The following CACNA2D1 variants were observed in gnomAD, a reference collection of about 807,000 sequenced individuals.
The protein encoded by CACNA2D1 is calcium voltage-gated channel auxiliary subunit alpha2delta 1.
CACNA2D1 carries 53 observed loss-of-function variants against 171.5 expected under a neutral mutation model. That is an observed-to-expected ratio of 0.31 (90% CI 0.25 to 0.39). The LOEUF is 0.39. CACNA2D1 is among the 10% of genes least tolerant of loss of function. The probability of loss-of-function intolerance (pLI) is 1.00; values close to 1 mark genes in which losing one functional copy is unlikely to be tolerated. For missense variants in CACNA2D1, 903 were observed against 1,299.8 expected (o/e 0.69, Z 4.69); for synonymous variants, 442 against 443.1 (o/e 1.00, Z 0.03).
At chr7:82,262,069 C>T (rs893815859) in intron 3 of CACNA2D1, among the ~76,000 whole-genome samples, 3 of 152,172 alleles carry the variant, frequency 2.0e-5, no homozygotes, top group Non-Finnish European at 4.4e-5. Flanking sequence ...TGGTGGCTCA[C>T]GCCTGTAATC....
intron 1 of CACNA2D1, among the ~76,000 whole-genome samples, chr7:82,434,649 T>C (rs1829969871): frequency 6.6e-6 from 1 of 152,148 alleles, no homozygotes; most frequent in Admixed American, 6.5e-5. Context: ...CCTGTGTTAG[T>C]TTGCTAAGGA....
At chr7:82,277,754 T>A (rs1809544814) in intron 3 of CACNA2D1, among the ~76,000 whole-genome samples, 1 of 149,376 alleles carries the variant, frequency 6.7e-6, no homozygotes, top group South Asian at 2.1e-4. Flanking sequence ...ACTTTTATTT[T>A]TTTTTTTTTG....
At chr7:82,398,463 T>G (rs900174440) in intron 1 of CACNA2D1, among the ~76,000 whole-genome samples, 1 of 152,156 alleles carries the variant, frequency 6.6e-6, no homozygotes, top group Non-Finnish European at 1.5e-5. Flanking sequence ...CACTAACATA[T>G]CCACAGAATT....
At chr7:82,381,078 C>T (rs1199469443) in intron 1 of CACNA2D1, among the ~76,000 whole-genome samples, 1 of 151,800 alleles carries the variant, frequency 6.6e-6, no homozygotes, top group African/African-American at 2.4e-5. Flanking sequence ...TCTGGGAGGC[C>T]GAGGTGGGCG....
At chr7:82,008,990 G>C (rs1252466003) in intron 15 of CACNA2D1, among the ~76,000 whole-genome samples, 1 of 152,106 alleles carries the variant, frequency 6.6e-6, no homozygotes, top group African/African-American at 2.4e-5. Flanking sequence ...CATGATGATT[G>C]ATATGGTTTG....
intron 3 of CACNA2D1, among the ~76,000 whole-genome samples, chr7:82,315,676 A>AGCAT (rs1328314011): frequency 1.3e-5 from 2 of 152,178 alleles, no homozygotes; most frequent in Admixed American, 1.3e-4. Flanking sequence ...AACCTGCTAC[A>AGCAT]TGCAAATTAA....
chr7:82,370,377 G>C (rs1474692621), intron 1 of CACNA2D1, among the ~76,000 whole-genome samples: 1 of 151,988 alleles, frequency 6.6e-6, no homozygotes, highest in Non-Finnish European at 1.5e-5. Flanking sequence ...AAGTGGAGCA[G>C]TATACAGAGA....
chr7:82,428,631 T>G (rs1447572895), intron 1 of CACNA2D1, among the ~76,000 whole-genome samples: 1 of 152,108 alleles, frequency 6.6e-6, no homozygotes, highest in Non-Finnish European at 1.5e-5. Context: ...GAACTAACAC[T>G]TTTCACCCTT....
At chr7:82,213,736 C>T (rs1252244240) in intron 3 of CACNA2D1, among the ~76,000 whole-genome samples, 1 of 152,128 alleles carries the variant, frequency 6.6e-6, no homozygotes, top group Non-Finnish European at 1.5e-5. Context: ...ACCTGGCTGA[C>T]TTGTCACGCT....
At chr7:82,223,105 C>A (rs1801972527) in intron 3 of CACNA2D1, among the ~76,000 whole-genome samples, 1 of 152,068 alleles carries the variant, frequency 6.6e-6, no homozygotes, top group East Asian at 1.9e-4. Context: ...AGGGTTTCAA[C>A]ATGTTGGCCA....
chr7:81,962,543 GT>G lies in CACNA2D1; in HGVS notation c.2781-49del, dbSNP rs1794266775. On this transcript the variant is annotated intron_variant, in intron 34 of 38. Transcript: ENST00000356860. ...AAATAAACATCTAGGGAAAAAATGTGTTTTTACATGTACCCATACACATAAA... is the reference window on the plus strand; with the variant it reads ...AAATAAACATCTAGGGAAAAAATGTGTTTTACATGTACCCATACACATAAA... The G allele has an allele frequency of 3.5e-6, 4 of 1,141,872 alleles. No homozygotes were observed. The East Asian group carries it at 1.0e-4, about 29-fold the overall frequency. The allele number at this position is 1,141,872 out of a possible 1,614,324, so 70.7% of individuals were successfully genotyped here.
chr7:82,391,783 T>C lies in CACNA2D1; in HGVS notation c.96-42134A>G, dbSNP rs138578963. Among the ~76,000 whole-genome samples the C allele has an allele frequency of 1.1e-4, 17 of 152,322 alleles. No homozygotes were observed. In the East Asian group the frequency reaches 2.9e-3, roughly 26 times the overall value. On this transcript the variant is annotated intron_variant, in intron 1 of 38. Transcript: ENST00000356860. ...AAAAGTCAATTAGCAAGGAAGCTAA[T>C]GCAAAATTAGTAGCAAGAATGCAAA... is the stretch of plus-strand genomic sequence containing the variant.
chr7:82,036,296 A>G (rs563421002), intron 11 of CACNA2D1, among the ~76,000 whole-genome samples: 13 of 152,166 alleles, frequency 8.5e-5, no homozygotes, highest in Non-Finnish European at 1.5e-4. Context: ...GCCCCTAAAC[A>G]CTTCCTTAAC....
rs567947579 is a variant in CACNA2D1, at chr7:82,252,901, C to A, written c.294+82234G>T. Among the ~76,000 whole-genome samples the A allele has an allele frequency of 8.4e-4, 127 of 150,634 alleles. 1 individual carries two copies. The South Asian group carries it at 0.016, about 19-fold the overall frequency. ...TGAGAATTCGTCAGAAAAAAAAAAACAAACACTTAACCCAGACACAAATTG... is the reference window on the plus strand; with the variant it reads ...TGAGAATTCGTCAGAAAAAAAAAAAAAAACACTTAACCCAGACACAAATTG... On this transcript the variant is annotated intron_variant, in intron 3 of 38. Coordinates refer to ENST00000356860, the MANE Select transcript of CACNA2D1 (RefSeq NM_000722.4).
At chr7:82,339,214 G>A (rs1818332148) in intron 2 of CACNA2D1, among the ~76,000 whole-genome samples, 2 of 152,192 alleles carry the variant, frequency 1.3e-5, no homozygotes, top group Admixed American at 6.5e-5. Flanking sequence ...ACCTTCAAGT[G>A]ATGAGATTAA....
intron 3 of CACNA2D1, among the ~76,000 whole-genome samples, chr7:82,262,253 C>T (rs1359821310): frequency 2.0e-5 from 3 of 152,180 alleles, no homozygotes; most frequent in Non-Finnish European, 4.4e-5. Context: ...ATGGCGTGAA[C>T]CCAGGACGTG....
intron 4 of CACNA2D1, among the ~76,000 whole-genome samples, chr7:82,166,950 G>C (rs1446952423): frequency 6.6e-6 from 1 of 151,956 alleles, no homozygotes; most frequent in African/African-American, 2.4e-5. Flanking sequence ...TTGTTCATGA[G>C]ATTTCTCTAC....
chr7:82,310,286 A>G (rs1814268923), intron 3 of CACNA2D1, among the ~76,000 whole-genome samples: 1 of 151,898 alleles, frequency 6.6e-6, no homozygotes, highest in African/African-American at 2.4e-5. Flanking sequence ...GTACAAGAAA[A>G]GCAGATATAT....
intron 3 of CACNA2D1, among the ~76,000 whole-genome samples, chr7:82,249,033 C>A (rs577823371): frequency 2.0e-5 from 3 of 151,410 alleles, no homozygotes; most frequent in Admixed American, 6.6e-5. Context: ...AGGAGAATGG[C>A]GTAACCTGGA....
Sources: gnomAD v4.1 joint callset for allele counts (sites outside exome capture counted in the v4.1 genomes callset) on GRCh38, gnomAD v4.1.1 for gene constraint, MANE v1.5 for transcripts, NCBI Gene and HGNC (gene_info 2026-07-23, HGNC 2026-07-21) for gene names.